Variants in SYTL5 observed in about 807,000 individuals in gnomAD.
The protein encoded by SYTL5 is synaptotagmin-like protein 5.
Under a neutral mutation model 55.9 loss-of-function variants are expected in SYTL5, and 34 were observed. The observed-to-expected ratio is 0.61, with a 90% confidence interval of 0.46 to 0.81. The LOEUF (loss-of-function observed/expected upper bound fraction) is 0.81, where lower values mean the gene tolerates loss of function less well. SYTL5 is among the 30% of genes least tolerant of loss of function. SYTL5 has a pLI of 0.00. For missense variants in SYTL5, 637 were observed against 546.7 expected (o/e 1.17, Z -1.65); for synonymous variants, 221 against 188.7 (o/e 1.17, Z -1.40).
At chrX:38,116,639 A>G (rs1439910614) in intron 13 of SYTL5, among the ~76,000 whole-genome samples, 2 of 112,872 alleles carry the variant, frequency 1.8e-5, no homozygotes, top group Non-Finnish European at 3.7e-5. Context: ...ATATAATCCA[A>G]TAGCAACTTT....
chrX:38,053,311 T>C (rs1569169487), intron 2 of SYTL5, among the ~76,000 whole-genome samples: 1 of 112,719 alleles, frequency 8.9e-6, no homozygotes, highest in East Asian at 2.8e-4. Context: ...ATGGAACCTA[T>C]GTACCAAGCA....
chrX:37,909,514 G>C, the SYTL5 span, among the ~76,000 whole-genome samples: 1 of 109,822 alleles, frequency 9.1e-6, no homozygotes, highest in African/African-American at 3.3e-5. Flanking sequence ...GCTATCATTA[G>C]TGTTAGTGTA....
At position 38,128,509 on chromosome X, in the gene SYTL5, C is replaced by T. The variant is rs1468505362; in HGVS notation, c.*1779C>T. The T allele has an allele frequency of 1.8e-5, 2 of 111,470 alleles. No homozygotes were observed. Among genetic ancestry groups the T allele is most frequent in the African/African-American group, 6.5e-5 (2 of 30,718 alleles). The allele number at this position is 111,470 out of a possible 1,213,427, so 9.2% of individuals were successfully genotyped here. On this transcript the variant is annotated 3_prime_UTR_variant, in exon 17 of 17. Transcript: ENST00000297875. ...GTTTTAGTAGTAACGGAGCTAGAAT[C>T]ATCTTCGGGCTTATTCCTGCTAGTT...
chrX:38,066,693 G>A lies in SYTL5; in HGVS notation c.330-5354G>A, dbSNP rs182450252. Among the ~76,000 whole-genome samples, 310 of 111,352 alleles carry A rather than the reference G, an allele frequency of 2.8e-3. 1 individual carries two copies. The highest frequency in any genetic ancestry group is 9.6e-3 in the African/African-American group (296 of 30,708). On this transcript the variant is annotated intron_variant, in intron 3 of 16. Coordinates refer to ENST00000297875, the MANE Select transcript of SYTL5 (RefSeq NM_138780.3). ...ACCCCACAATCACAGCCAATCATAT[G>A]CAATGCTATGTTTGTTATTCCTTGG... is the stretch of plus-strand genomic sequence containing the variant.
rs150500033 is a variant in SYTL5, at chrX:38,024,227, C to T, written c.-356-9307C>T. On this transcript the variant is annotated intron_variant, in intron 1 of 16. Coordinates refer to ENST00000297875, the MANE Select transcript of SYTL5 (RefSeq NM_138780.3). ...TAATTGAATCATGGAATCATGGGGA[C>T]GGGTTTTCCCATACTGTTCTGGTGA... Among the ~76,000 whole-genome samples the T allele has an allele frequency of 6.6e-4, 72 of 109,560 alleles. No individual in the cohort carries two copies. In the East Asian group the frequency reaches 0.01, roughly 16 times the overall value.
the SYTL5 span, among the ~76,000 whole-genome samples, chrX:37,978,748 A>G: frequency 9.0e-6 from 1 of 111,478 alleles, no homozygotes; most frequent in Non-Finnish European, 1.9e-5. Context: ...GAGCCCAAAT[A>G]TGAGAACAAA....
chrX:37,986,206 A>G, the SYTL5 span, among the ~76,000 whole-genome samples: 10 of 104,969 alleles, frequency 9.5e-5, no homozygotes, highest in African/African-American at 3.1e-4. Context: ...AAAGGACACT[A>G]TTTTTTTTTT....
At chrX:38,006,279 G>A (rs1225117533), upstream of SYTL5, among the ~76,000 whole-genome samples, 2 of 111,770 alleles carry the variant, frequency 1.8e-5, no homozygotes, top group African/African-American at 6.5e-5. Flanking sequence ...GGTTTTTTAA[G>A]AATAGAGATT....
the SYTL5 span, among the ~76,000 whole-genome samples, chrX:37,993,631 A>G: frequency 1.8e-5 from 2 of 112,681 alleles, no homozygotes; most frequent in African/African-American, 6.5e-5. Context: ...ACATAGGAAC[A>G]TTGATCATGA....
chrX:38,126,727 C>T lies in SYTL5; in HGVS notation c.2190C>T (p.Leu730=), dbSNP rs951397273. The change falls in exon 17 of 17, where the codon CTC becomes CTT. Residue 730 remains leucine, a synonymous_variant. Transcript: ENST00000297875. ...GTTCCAGCATGGGAAAATGTAGGCT[C>T]TAAAGGGACCAGTTCTCCAAGAATG... is the stretch of plus-strand genomic sequence containing the variant. ...MLRSSMGKCR[L] 7.5e-6 allele frequency: 9 copies of T among 1,205,934 alleles called. No homozygotes were observed. The highest frequency in any genetic ancestry group is 1.0e-5 in the Non-Finnish European group (9 of 892,819).
the SYTL5 span, among the ~76,000 whole-genome samples, chrX:37,958,140 C>T: frequency 1.5e-4 from 16 of 107,654 alleles, no homozygotes; most frequent in African/African-American, 5.5e-4. Context: ...GCCTGGGAGG[C>T]GAAGGTTACA....
the SYTL5 span, among the ~76,000 whole-genome samples, chrX:37,933,453 G>A: frequency 1.6e-4 from 18 of 111,683 alleles, no homozygotes; most frequent in South Asian, 6.4e-3. Context: ...CAGAGTTGAA[G>A]CACTCTGCAA....
rs762865400 is a variant in SYTL5 at position 38,125,456 on chromosome X, C to G, written c.2000C>G (p.Ala667Gly). Residue 667 changes from alanine to glycine, a missense_variant, in exon 16 of 17, where the codon GCC becomes GGC. Ala to Gly is a moderately conservative substitution (Grantham distance 60). Transcript: ENST00000297875. Reference protein sequence around the residue: ...CLELTIWDKEAFSSNIFLGGV... With the variant: ...CLELTIWDKEGFSSNIFLGGV... ...GAACTTACTATCTGGGACAAGGAGG[C>G]CTTTTCCAGCAACATCTTTCTGGGA... is the stretch of plus-strand genomic sequence containing the variant. 4.1e-6 allele frequency: 5 copies of G among 1,211,394 alleles called. No individual in the cohort carries two copies. The highest frequency in any genetic ancestry group is 3.0e-5 in the East Asian group (1 of 33,842).
chrX:37,895,070 G>A, the SYTL5 span, among the ~76,000 whole-genome samples: 2 of 111,666 alleles, frequency 1.8e-5, no homozygotes, highest in Non-Finnish European at 3.8e-5. Flanking sequence ...CTATGTCTAT[G>A]TCTACATCTA....
intron 3 of SYTL5, among the ~76,000 whole-genome samples, chrX:38,063,425 T>C (rs1936010888): frequency 8.9e-6 from 1 of 111,867 alleles, no homozygotes; most frequent in Non-Finnish European, 1.9e-5. Context: ...AATAGCTATA[T>C]AAACTAGAAA....
intron 1 of SYTL5, among the ~76,000 whole-genome samples, chrX:38,011,577 T>C (rs1300886308): frequency 9.3e-6 from 1 of 107,481 alleles, no homozygotes; most frequent in Non-Finnish European, 1.9e-5. Flanking sequence ...GAGTTTGCAG[T>C]GAGCCAAGAT....
the SYTL5 span, among the ~76,000 whole-genome samples, chrX:37,983,912 A>G: frequency 3.6e-5 from 4 of 112,320 alleles, no homozygotes; most frequent in East Asian, 1.1e-3. Flanking sequence ...AGAAATCAAA[A>G]TGAAAATTAG....
At chrX:37,937,356 C>T in the SYTL5 span, among the ~76,000 whole-genome samples, 2 of 111,120 alleles carry the variant, frequency 1.8e-5, no homozygotes, top group African/African-American at 6.6e-5. Flanking sequence ...AAACGCAAGG[C>T]GGCTTTGATT....
intron 2 of SYTL5, among the ~76,000 whole-genome samples, chrX:38,051,815 C>T (rs1354208419): frequency 9.0e-6 from 1 of 111,262 alleles, no homozygotes; most frequent in Non-Finnish European, 1.9e-5. Flanking sequence ...TCTTCTCACT[C>T]TGTTTAATCC....
Sources: gnomAD v4.1 joint callset for allele counts (sites outside exome capture counted in the v4.1 genomes callset) on GRCh38, gnomAD v4.1.1 for gene constraint, MANE v1.5 for transcripts, NCBI Gene and HGNC (gene_info 2026-07-23, HGNC 2026-07-21) for gene names.